MEGF10: variants seen among roughly 807,000 people sequenced by gnomAD.
The protein encoded by MEGF10 is multiple EGF like domains 10.
In MEGF10, 86 loss-of-function variants were observed where a neutral mutation model predicts 147.5. That is an observed-to-expected ratio of 0.58 (90% CI 0.49 to 0.70). The LOEUF (loss-of-function observed/expected upper bound fraction) is 0.70, where lower values mean the gene tolerates loss of function less well. MEGF10 is among the 30% of genes least tolerant of loss of function. The pLI is 0.00. For synonymous variants in MEGF10, 478 were observed against 525.5 expected (o/e 0.91, Z 1.24); for missense variants, 1,329 against 1,487.3 (o/e 0.89, Z 1.75).
rs117259035 is a variant in MEGF10, at chr5:127,445,019, C to G, written c.2492-438C>G. 1.1e-3 allele frequency among the ~76,000 whole-genome samples: 170 copies of G among 152,318 alleles called. No homozygotes were observed. In the East Asian group the frequency reaches 0.021, roughly 19 times the overall value. On this transcript the variant is annotated intron_variant, in intron 19 of 24. Coordinates refer to ENST00000503335, the MANE Select transcript of MEGF10 (RefSeq NM_001256545.2). ...TTGTTACCCCAAATTAATTGCCAGT[C>G]TAAGTATTTAATCGGAAATATATAA...
chr5:127,450,477 G>A (rs928463087), intron 22 of MEGF10, among the ~76,000 whole-genome samples: 1 of 152,196 alleles, frequency 6.6e-6, no homozygotes, highest in Admixed American at 6.5e-5. Context: ...TTCCAAGCCT[G>A]TAACCCATAT....
intron 5 of MEGF10, among the ~76,000 whole-genome samples, chr5:127,386,525 C>T (rs1279918719): frequency 6.6e-6 from 1 of 152,190 alleles, no homozygotes; most frequent in East Asian, 1.9e-4. Flanking sequence ...TGTCTAAACT[C>T]CAGTTTTTAA....
chr5:127,442,937 A>T, intron 18 of MEGF10, 61 bp from the exon 19 acceptor site: 1 of 1,559,366 alleles, frequency 6.4e-7, no homozygotes, highest in Admixed American at 1.7e-5. Context: ...GCTTGCAGTC[A>T]GAGACAGCCT....
the MEGF10 span, among the ~76,000 whole-genome samples, chr5:127,241,426 A>G: frequency 0.023 from 3,515 of 152,264 alleles, 76 homozygotes; most frequent in East Asian, 0.086. Flanking sequence ...TAAGTTATTC[A>G]TTGATATAGG....
the MEGF10 span, among the ~76,000 whole-genome samples, chr5:127,232,663 A>C: frequency 2.6e-5 from 4 of 152,136 alleles, no homozygotes; most frequent in African/African-American, 9.7e-5. Flanking sequence ...CAAAACTTGG[A>C]GATGTAAAGG....
At chr5:127,247,440 GA>G in the MEGF10 span, among the ~76,000 whole-genome samples, 1 of 113,284 alleles carries the variant, frequency 8.8e-6, no homozygotes, top group Non-Finnish European at 1.8e-5. Flanking sequence ...AGAAGAAGAA[GA>G]AGAAGAAGAA....
intron 2 of MEGF10, among the ~76,000 whole-genome samples, chr5:127,332,323 A>T (rs1761292634): frequency 6.6e-6 from 1 of 152,218 alleles, no homozygotes; most frequent in Non-Finnish European, 1.5e-5. Context: ...GATGTTAAGT[A>T]CTGGAGGGTA....
chr5:127,384,305 C>A (rs977652680), intron 5 of MEGF10, among the ~76,000 whole-genome samples: 1 of 152,180 alleles, frequency 6.6e-6, no homozygotes, highest in South Asian at 2.1e-4. Context: ...AGATGCTTAA[C>A]AAATCTTTAA....
Position 127,455,449 on chromosome 5 carries a change from G to T in MEGF10, c.3074G>T (p.Ser1025Ile). Residue 1025 changes from serine to isoleucine, a missense_variant, in exon 24 of 25, where the codon AGT (serine) becomes ATT (isoleucine). Ser to Ile is a moderately radical substitution (Grantham distance 142). Transcript: ENST00000503335. Reference protein sequence around the residue: ...EYNSSNCSLSSSENPYATIKD... With the variant: ...EYNSSNCSLSISENPYATIKD... The stretch of plus-strand genomic sequence containing the variant: ...AATTCAAGTAACTGCTCCCTAAGCA[G>T]TTCTGAGAACCCATATGCCACTATT... The T allele has an allele frequency of 1.2e-6, 2 of 1,614,122 alleles. No homozygotes were observed. The highest frequency in any genetic ancestry group is 1.7e-5 in the Admixed American group (1 of 60,020).
intron 13 of MEGF10, among the ~76,000 whole-genome samples, chr5:127,428,516 T>C (rs995921177): frequency 4.6e-5 from 7 of 152,138 alleles, no homozygotes; most frequent in Admixed American, 2.6e-4. Flanking sequence ...TACACTACAC[T>C]ACACTACACT....
chr5:127,274,428 AT>A, the MEGF10 span, among the ~76,000 whole-genome samples: 2 of 152,094 alleles, frequency 1.3e-5, no homozygotes, highest in Non-Finnish European at 2.9e-5. Context: ...GTATATTTCA[AT>A]TTTTTGGAGA....
intron 6 of MEGF10, among the ~76,000 whole-genome samples, chr5:127,397,545 A>G (rs1763964535): frequency 6.6e-6 from 1 of 152,240 alleles, no homozygotes; most frequent in Non-Finnish European, 1.5e-5. Context: ...TTACATTTAT[A>G]AATCAAAGAA....
the MEGF10 span, among the ~76,000 whole-genome samples, chr5:127,242,409 T>C: frequency 6.6e-6 from 1 of 152,192 alleles, no homozygotes; most frequent in South Asian, 2.1e-4. Context: ...ATAATGAAAT[T>C]GCAGGGATTT....
chr5:127,302,817 T>C (rs1759831370), intron 1 of MEGF10, among the ~76,000 whole-genome samples: 1 of 152,182 alleles, frequency 6.6e-6, no homozygotes, highest in Admixed American at 6.5e-5. Context: ...AAGCAGGTAA[T>C]CTGTTCCAAG....
At chr5:127,410,712 G>A in intron 9 of MEGF10, 111 bp downstream of exon 9, 1 of 954,474 alleles carries the variant, frequency 1.0e-6, no homozygotes, top group Non-Finnish European at 1.6e-6. Context: ...GCCCCCTCCT[G>A]CCTCTAGGCT....
intron 19 of MEGF10, among the ~76,000 whole-genome samples, chr5:127,444,049 C>T (rs558590011): frequency 3.3e-5 from 5 of 152,260 alleles, no homozygotes; most frequent in African/African-American, 1.2e-4. Flanking sequence ...TCATAACGAC[C>T]TGGGAATAGT....
chr5:127,409,355 A>G (rs1380642798), intron 8 of MEGF10, among the ~76,000 whole-genome samples: 3 of 152,174 alleles, frequency 2.0e-5, no homozygotes, highest in South Asian at 2.1e-4. Flanking sequence ...CTGCCGAGAC[A>G]AAGTGTACCC....
At position 127,310,035 on chromosome 5, in the gene MEGF10, CTTCTTTCTTTATTTCT is replaced by C. The variant is rs1416614183; in HGVS notation, c.-19+18990_-19+19005del. On this transcript the variant is annotated intron_variant, in intron 1 of 24. Transcript: ENST00000503335. The stretch of plus-strand genomic sequence containing the variant: ...CTTTCTTTTTTTCTTTCTTTCTTTC[CTTCTTTCTTTATTTCT>C]TTCTTTCTTTCTTTCTCTCTTTCTT... 4.4e-4 allele frequency among the ~76,000 whole-genome samples: 10 copies of C among 22,898 alleles called. 3 individuals are homozygous for C. The highest frequency in any genetic ancestry group is 1.1e-3 in the African/African-American group (9 of 8,164). The allele number at this position is 22,898 out of a possible 152,430, so 15.0% of individuals were successfully genotyped here.
At chr5:127,260,478 C>T in the MEGF10 span, among the ~76,000 whole-genome samples, 3 of 152,108 alleles carry the variant, frequency 2.0e-5, no homozygotes, top group Non-Finnish European at 4.4e-5. Context: ...GTCTCATTGT[C>T]ATAACTAGGT....
Sources: allele counts gnomAD v4.1 joint callset (sites outside exome capture counted in the v4.1 genomes callset), GRCh38; gene constraint gnomAD v4.1.1; transcripts MANE v1.5; gene names NCBI Gene and HGNC (gene_info 2026-07-23, HGNC 2026-07-21).